The following ABI1 variants were observed in gnomAD, a reference collection of about 807,000 sequenced individuals.
ABI1 encodes abl interactor 1, also known as Abelson interactor 1.
Under a neutral mutation model 54.6 loss-of-function variants are expected in ABI1, and 14 were observed. The observed-to-expected ratio is 0.26, with a 90% CI of 0.17 to 0.40. The LOEUF is 0.40. Among genes scored for constraint, ABI1 ranks in the 10% least tolerant of loss-of-function variants. The pLI is 1.00. For synonymous variants in ABI1, 194 were observed against 209.3 expected, an observed-to-expected ratio of 0.93 and a Z score of 0.63; for missense variants, 443 against 598.3, an observed-to-expected ratio of 0.74 and a Z score of 2.71.
In ABI1 at chr10:26,747,257, G is replaced by GAATT. The variant is rs1588722472; in HGVS notation, c.*1309_*1312dup. On this transcript the variant is annotated 3_prime_UTR_variant, in exon 11 of 11. Coordinates refer to ENST00000376140, the MANE Select transcript of ABI1 (RefSeq NM_001012750.3). Reference sequence around the variant, plus strand: ...CTACTTTAATATCCTAAGCAATAGAGAATTATACACAAGACAAGAAGAGAA... The same window carrying GAATT: ...CTACTTTAATATCCTAAGCAATAGAGAATTAATTATACACAAGACAAGAAGAGAA... The GAATT allele has an allele frequency of 4.4e-6, 1 of 224,976 alleles. No individual in the cohort carries two copies. Among genetic ancestry groups the GAATT allele is most frequent in the East Asian group, 6.4e-5 (1 of 15,536 alleles). 13.9% of individuals were successfully genotyped at this position (224,976 alleles called of 1,614,324 possible). A position where few individuals can be genotyped will look rare whatever the true frequency, so the allele number is the denominator to read the frequency against.
intron 3 of ABI1, among the ~76,000 whole-genome samples, chr10:26,774,184 G>T (rs1452999105): frequency 6.6e-6 from 1 of 152,034 alleles, no homozygotes; most frequent in Non-Finnish European, 1.5e-5. Context: ...AAGGTAAATG[G>T]TATGTAAATA....
At chr10:26,800,313 A>G (rs1020763389) in intron 2 of ABI1, among the ~76,000 whole-genome samples, 15 of 152,298 alleles carry the variant, frequency 9.8e-5, no homozygotes, top group African/African-American at 3.6e-4. Context: ...TGAACCCTGG[A>G]GGCAGAGGTT....
At chr10:26,856,496 A>G in intron 1 of ABI1, among the ~76,000 whole-genome samples, 1 of 151,310 alleles carries the variant, frequency 6.6e-6, no homozygotes, top group East Asian at 1.9e-4. Flanking sequence ...TAAAGTGTAC[A>G]GTATCAGAAA....
chr10:26,776,715 A>G (rs3758440), intron 3 of ABI1: 10,692 of 168,816 alleles, frequency 0.063, 500 homozygotes, highest in East Asian at 0.19. Flanking sequence ...TGAAACGATA[A>G]AAGTATTTAT....
At chr10:26,763,740 A>G (rs112837326) in intron 7 of ABI1, 1 of 668,752 alleles carries the variant, frequency 1.5e-6, no homozygotes, top group Non-Finnish European at 2.5e-6. Flanking sequence ...GAAGTTAGTG[A>G]TATTAGATTT....
chr10:26,853,399 T>C (rs1401819814), intron 1 of ABI1, among the ~76,000 whole-genome samples: 2 of 151,902 alleles, frequency 1.3e-5, no homozygotes, highest in Non-Finnish European at 2.9e-5. Context: ...CTATTATTTC[T>C]TCTACAATCA....
At position 26,845,397 on chromosome 10, in the gene ABI1, C is replaced by T. The variant is rs369251114; in HGVS notation, c.117+15350G>A. Among the ~76,000 whole-genome samples, 180 of 152,270 alleles carry T rather than the reference C, an allele frequency of 1.2e-3. 1 individual carries two copies. In the South Asian group the frequency reaches 0.015, roughly 13 times the overall value. Reference sequence around the variant, plus strand: ...ATGGCTCACACCTATAATCGCAGCACTTTGGGAGGCTGAGGCGGGCGGATC... The same window carrying T: ...ATGGCTCACACCTATAATCGCAGCATTTTGGGAGGCTGAGGCGGGCGGATC... On this transcript the variant is annotated intron_variant, in intron 1 of 10. Coordinates refer to ENST00000376140, the MANE Select transcript of ABI1 (RefSeq NM_001012750.3).
chr10:26,834,954 T>G (rs1404986822), intron 1 of ABI1, among the ~76,000 whole-genome samples: 2 of 151,560 alleles, frequency 1.3e-5, no homozygotes, highest in African/African-American at 4.9e-5. Flanking sequence ...AATACAAAAA[T>G]TAGTCAGGTG....
In ABI1 at chr10:26,747,234, A is replaced by C. The variant is rs1281639179; in HGVS notation, c.*1336T>G. 1 of 225,068 alleles carries C rather than the reference A, an allele frequency of 4.4e-6. No individual in the cohort carries two copies. The highest frequency in any genetic ancestry group is 5.7e-5 in the Admixed American group (1 of 17,502). The allele number at this position is 225,068 out of a possible 1,614,324, so 13.9% of individuals were successfully genotyped here. On this transcript the variant is annotated 3_prime_UTR_variant, in exon 11 of 11. Transcript: ENST00000376140. ...ACAGAAACCCACACTTGAGTGCTCT[A>C]CTTTAATATCCTAAGCAATAGAGAA...
At chr10:26,836,258 G>A (rs547461734) in intron 1 of ABI1, among the ~76,000 whole-genome samples, 14 of 151,942 alleles carry the variant, frequency 9.2e-5, no homozygotes, top group Admixed American at 3.3e-4. Context: ...GACTACAGGC[G>A]TGCGCCACCA....
At chr10:26,758,231 G>T (rs1838598523) in intron 8 of ABI1, among the ~76,000 whole-genome samples, 1 of 151,978 alleles carries the variant, frequency 6.6e-6, no homozygotes, top group African/African-American at 2.4e-5. Flanking sequence ...ATAACATGTG[G>T]CTCTAGAAAG....
chr10:26,771,491 T>C (rs1840683366), intron 3 of ABI1, among the ~76,000 whole-genome samples: 1 of 152,210 alleles, frequency 6.6e-6, no homozygotes, highest in East Asian at 1.9e-4. Flanking sequence ...CCTAACACTT[T>C]ACTGGATAAT....
At position 26,746,762 on chromosome 10, in the gene ABI1, C is replaced by A; in HGVS notation, c.*1808G>T. On this transcript the variant is annotated 3_prime_UTR_variant, in exon 11 of 11. Coordinates refer to ENST00000376140, the MANE Select transcript of ABI1 (RefSeq NM_001012750.3). ...ACACTGTTAATATCCACATGTAAGG[C>A]CATTACACAAATAAATAACCAATGT... The A allele has an allele frequency of 2.3e-6, 1 of 426,692 alleles. No individual in the cohort carries two copies. The highest frequency in any genetic ancestry group is 2.4e-5 in the South Asian group (1 of 41,480). 26.4% of individuals were successfully genotyped at this position (426,692 alleles called of 1,614,324 possible).
chr10:26,797,988 C>A (rs1305074356), intron 2 of ABI1, among the ~76,000 whole-genome samples: 1 of 152,104 alleles, frequency 6.6e-6, no homozygotes, highest in Non-Finnish European at 1.5e-5. Flanking sequence ...CCACTAGAAA[C>A]TACCTAAAAA....
Position 26,777,042 on chromosome 10 carries a change from TTAATG to T in ABI1, c.462+18_462+22del, listed in dbSNP as rs1564484254. On this transcript the variant is annotated intron_variant, in intron 3 of 10. Coordinates refer to ENST00000376140, the MANE Select transcript of ABI1 (RefSeq NM_001012750.3). ...TTTACTGGATATGCAAATTAGCTTG[TTAATG>T]TAATATAAAATGCTTACCTTGACAC... The T allele has an allele frequency of 1.3e-6, 2 of 1,537,446 alleles. No homozygotes were observed. Among genetic ancestry groups the T allele is most frequent in the Non-Finnish European group, 1.7e-6 (2 of 1,145,004 alleles).
At chr10:26,854,770 G>GT (rs1294064538) in intron 1 of ABI1, among the ~76,000 whole-genome samples, 2 of 152,260 alleles carry the variant, frequency 1.3e-5, no homozygotes, top group East Asian at 3.9e-4. Flanking sequence ...CCCAAACCTG[G>GT]TTTGTATAGA....
At chr10:26,818,027 C>T (rs1050219246) in intron 2 of ABI1, among the ~76,000 whole-genome samples, 11 of 151,040 alleles carry the variant, frequency 7.3e-5, no homozygotes, top group African/African-American at 2.4e-4. Context: ...AGCATGGTGG[C>T]GCATGCCCGA....
intron 1 of ABI1, among the ~76,000 whole-genome samples, chr10:26,828,560 G>C (rs2048455453): frequency 6.6e-6 from 1 of 151,908 alleles, no homozygotes; most frequent in Non-Finnish European, 1.5e-5. Flanking sequence ...ATTTAAAAAG[G>C]AATTACCCCA....
intron 2 of ABI1, among the ~76,000 whole-genome samples, chr10:26,817,912 T>C (rs1204837194): frequency 6.6e-6 from 1 of 151,840 alleles, no homozygotes; most frequent in Non-Finnish European, 1.5e-5. Flanking sequence ...TCCCAGCACT[T>C]TGGGAGGCCG....
Sources: gnomAD v4.1 joint callset for allele counts (sites outside exome capture counted in the v4.1 genomes callset) on GRCh38, gnomAD v4.1.1 for gene constraint, MANE v1.5 for transcripts, NCBI Gene and HGNC (gene_info 2026-07-23, HGNC 2026-07-21) for gene names.